The following COMMD10 variants were observed in gnomAD, a reference collection of about 807,000 sequenced individuals.
COMMD10 encodes the protein COMM domain containing 10, also known as COMM domain-containing protein 10.
A neutral mutation model predicts 28.9 loss-of-function variants in COMMD10; 33 were observed. That is an observed-to-expected ratio of 1.14 (90% confidence interval 0.87 to 1.53). The LOEUF (loss-of-function observed/expected upper bound fraction) is 1.53, where lower values mean the gene tolerates loss of function less well. COMMD10 is among the 40% of genes most tolerant of loss of function. The pLI is 0.00. For synonymous variants in COMMD10, 110 were observed against 81.7 expected, an observed-to-expected ratio of 1.35 and a Z score of -1.87; for missense variants, 310 against 233.4, an observed-to-expected ratio of 1.33 and a Z score of -2.14.
intron 4 of COMMD10, among the ~76,000 whole-genome samples, chr5:116,116,287 A>T (rs1202852521): frequency 6.6e-6 from 1 of 152,160 alleles, no homozygotes; most frequent in Non-Finnish European, 1.5e-5. Flanking sequence ...ATAAATTGTT[A>T]CTTTAAAAAC....
chr5:116,246,022 A>G (rs1056433537), intron 5 of COMMD10, among the ~76,000 whole-genome samples: 1 of 152,104 alleles, frequency 6.6e-6, no homozygotes, highest in Non-Finnish European at 1.5e-5. Flanking sequence ...GGGCATCCAA[A>G]TAGGAAGAGA....
intron 5 of COMMD10, among the ~76,000 whole-genome samples, chr5:116,214,984 T>C (rs72804890): frequency 7.2e-5 from 11 of 152,250 alleles, no homozygotes; most frequent in Non-Finnish European, 1.2e-4. Flanking sequence ...TGGAGGTCTT[T>C]TCTCCCCAGC....
intron 5 of COMMD10, among the ~76,000 whole-genome samples, chr5:116,231,854 A>C (rs1749537427): frequency 6.6e-6 from 1 of 152,180 alleles, no homozygotes; most frequent in South Asian, 2.1e-4. Context: ...CAGAAAAAAA[A>C]ACAACAGAAT....
intron 5 of COMMD10, among the ~76,000 whole-genome samples, chr5:116,211,283 T>G (rs1289576582): frequency 6.6e-6 from 1 of 152,156 alleles, no homozygotes; most frequent in Non-Finnish European, 1.5e-5. Context: ...TAGAGTATAC[T>G]TACACAAACC....
At chr5:116,259,793 C>A (rs892202430) in intron 5 of COMMD10, among the ~76,000 whole-genome samples, 1 of 151,676 alleles carries the variant, frequency 6.6e-6, no homozygotes, top group African/African-American at 2.4e-5. Context: ...CTACCTTGTT[C>A]TGTTTCTCTA....
chr5:116,236,213 A>G (rs1749656362), intron 5 of COMMD10, among the ~76,000 whole-genome samples: 1 of 152,102 alleles, frequency 6.6e-6, no homozygotes, highest in African/African-American at 2.4e-5. Context: ...TGCTAAAAAG[A>G]AATGATTCGG....
intron 5 of COMMD10, among the ~76,000 whole-genome samples, chr5:116,249,080 C>G (rs1193068463): frequency 6.6e-6 from 1 of 151,878 alleles, no homozygotes; most frequent in East Asian, 1.9e-4. Context: ...ATATTCACAT[C>G]AGAGCATGGT....
intron 5 of COMMD10, among the ~76,000 whole-genome samples, chr5:116,254,953 C>T (rs985471656): frequency 1.3e-5 from 2 of 150,546 alleles, no homozygotes; most frequent in East Asian, 3.9e-4. Flanking sequence ...GTAGGTCACT[C>T]AGGACTTGCT....
At chr5:116,145,843 G>C (rs1752333439) in intron 5 of COMMD10, among the ~76,000 whole-genome samples, 1 of 151,896 alleles carries the variant, frequency 6.6e-6, no homozygotes. Flanking sequence ...AAGGTGTCTT[G>C]CTTCCTCTTC....
At chr5:116,279,066 A>G (rs1750995693) in intron 5 of COMMD10, among the ~76,000 whole-genome samples, 1 of 151,844 alleles carries the variant, frequency 6.6e-6, no homozygotes, top group Non-Finnish European at 1.5e-5. Flanking sequence ...TGGTGTATGC[A>G]TGTATGCCCT....
rs1361849940 is a variant in COMMD10 at position 116,168,248 on chromosome 5, A to G, written c.510+34070A>G. 2.0e-5 allele frequency among the ~76,000 whole-genome samples: 3 copies of G among 152,126 alleles called. No individual in the cohort carries two copies. The East Asian group carries it at 5.8e-4, about 29-fold the overall frequency. On this transcript the variant is annotated intron_variant, in intron 5 of 6. Coordinates refer to ENST00000274458, the MANE Select transcript of COMMD10 (RefSeq NM_016144.4). ...ATCAAAAAAGACAAAGAAGGGCATT[A>G]CATAATGATAAAGGGATCAGTGCAA...
intron 5 of COMMD10, among the ~76,000 whole-genome samples, chr5:116,134,690 G>A (rs565542913): frequency 1.3e-5 from 2 of 152,150 alleles, no homozygotes; most frequent in East Asian, 1.9e-4. Flanking sequence ...GCGCGATCTC[G>A]GCTCACTGCA....
chr5:116,292,319 A>T (rs991046432), intron 6 of COMMD10, 132 bp from the exon 7 acceptor site: 1 of 463,272 alleles, frequency 2.2e-6, no homozygotes, highest in Admixed American at 3.6e-5. Context: ...TTTTATTGCT[A>T]TGTGAATGGA....
chr5:116,208,584 A>G (rs146403656), intron 5 of COMMD10, among the ~76,000 whole-genome samples: 1 of 152,172 alleles, frequency 6.6e-6, no homozygotes, highest in Non-Finnish European at 1.5e-5. Flanking sequence ...ACCTTGGTCT[A>G]TGTGACACTT....
At position 116,285,843 on chromosome 5, in the gene COMMD10, G is replaced by A. The variant is rs140261525; in HGVS notation, c.511-5674G>A. ...TCTGTAGTTTTCTTGTAGTGTCTTT[G>A]TCTGACTTTGGAACCAGGATAATAC... On this transcript the variant is annotated intron_variant, in intron 5 of 6. Coordinates refer to ENST00000274458, the MANE Select transcript of COMMD10 (RefSeq NM_016144.4). 5.6e-3 allele frequency among the ~76,000 whole-genome samples: 857 copies of A among 151,904 alleles called. 18 individuals are homozygous for A. Among genetic ancestry groups the A allele is most frequent in the African/African-American group, 0.02 (820 of 41,264 alleles).
chr5:116,173,148 A>G (rs1270308453), intron 5 of COMMD10, among the ~76,000 whole-genome samples: 1 of 152,140 alleles, frequency 6.6e-6, no homozygotes, highest in Admixed American at 6.6e-5. Flanking sequence ...TAATTCATCT[A>G]ACAGCTGCCT....
At chr5:116,211,916 A>G (rs1051947565) in intron 5 of COMMD10, among the ~76,000 whole-genome samples, 7 of 152,196 alleles carry the variant, frequency 4.6e-5, no homozygotes, top group East Asian at 1.9e-4. Flanking sequence ...CTTGGATCAG[A>G]TAGAATGACA....
chr5:116,145,840 C>T (rs990284438), intron 5 of COMMD10, among the ~76,000 whole-genome samples: 12 of 151,890 alleles, frequency 7.9e-5, no homozygotes, highest in African/African-American at 2.9e-4. Context: ...AAGAAGGTGT[C>T]TTGCTTCCTC....
At chr5:116,097,892 G>A (rs981874659) in intron 4 of COMMD10, among the ~76,000 whole-genome samples, 1 of 152,070 alleles carries the variant, frequency 6.6e-6, no homozygotes, top group Non-Finnish European at 1.5e-5. Flanking sequence ...TAGCACTGAA[G>A]GGATGGTGCT....
Sources: gnomAD v4.1 joint callset for allele counts (sites outside exome capture counted in the v4.1 genomes callset) on GRCh38, gnomAD v4.1.1 for gene constraint, MANE v1.5 for transcripts, NCBI Gene and HGNC (gene_info 2026-07-23, HGNC 2026-07-21) for gene names.